The following ATP6V1H variants were observed in gnomAD, a reference collection of about 807,000 sequenced individuals.
The protein encoded by ATP6V1H is ATPase H+ transporting V1 subunit H, also known as V-type proton ATPase subunit H.
ATP6V1H carries 39 observed loss-of-function variants against 71.7 expected under a neutral mutation model. That is an observed-to-expected ratio of 0.54 (90% CI 0.42 to 0.71). The LOEUF (loss-of-function observed/expected upper bound fraction) is 0.71. Among genes scored for constraint, ATP6V1H ranks in the 30% least tolerant of loss-of-function variants. The probability of loss-of-function intolerance (pLI) is 0.00; values close to 1 mark genes in which losing one functional copy is unlikely to be tolerated. For synonymous variants in ATP6V1H, 192 were observed against 199.3 expected, an observed-to-expected ratio of 0.96 and a Z score of 0.31; for missense variants, 509 against 594.9, an observed-to-expected ratio of 0.86 and a Z score of 1.50.
intron 2 of ATP6V1H, among the ~76,000 whole-genome samples, chr8:53,838,066 C>T (rs1811218113): frequency 6.6e-6 from 1 of 152,092 alleles, no homozygotes; most frequent in South Asian, 2.1e-4. Context: ...AGCTCCCTGC[C>T]TGGACCTCCC....
At chr8:53,841,065 C>T (rs995735892) in intron 2 of ATP6V1H, among the ~76,000 whole-genome samples, 3 of 152,290 alleles carry the variant, frequency 2.0e-5, no homozygotes, top group Admixed American at 6.5e-5. Context: ...CTCCCCATTT[C>T]ACATTTTACT....
Position 53,803,056 on chromosome 8 carries a change from G to T in ATP6V1H, c.580-1160C>A, listed in dbSNP as rs548365790. ...AGACTTTAAGAAGTAGAGAAAGGAG[G>T]CTGGGTGCGGTGGCTCACGCCTGTG... is the stretch of plus-strand genomic sequence containing the variant. On this transcript the variant is annotated intron_variant, in intron 7 of 13. Coordinates refer to ENST00000359530, the MANE Select transcript of ATP6V1H (RefSeq NM_015941.4). Among the ~76,000 whole-genome samples, 45 of 152,314 alleles carry T rather than the reference G, an allele frequency of 3.0e-4. 1 individual carries two copies. The East Asian group carries it at 8.5e-3, about 29-fold the overall frequency.
At chr8:53,759,722 G>A (rs1808198311) in intron 11 of ATP6V1H, among the ~76,000 whole-genome samples, 1 of 151,996 alleles carries the variant, frequency 6.6e-6, no homozygotes, top group African/African-American at 2.4e-5. Context: ...CTCAGTTTTT[G>A]CTTTTCTTCT....
intron 3 of ATP6V1H, among the ~76,000 whole-genome samples, chr8:53,830,519 C>T (rs951913972): frequency 1.1e-4 from 16 of 151,264 alleles, no homozygotes; most frequent in African/African-American, 3.9e-4. Flanking sequence ...AATCAAAACA[C>T]TAAAGTGGAA....
chr8:53,727,824 A>G (rs1585720697), intron 13 of ATP6V1H, among the ~76,000 whole-genome samples: 1 of 152,146 alleles, frequency 6.6e-6, no homozygotes. Context: ...GTGCCACCCC[A>G]ATCCTGTTCC....
At chr8:53,803,779 AT>A (rs950903143) in intron 7 of ATP6V1H, among the ~76,000 whole-genome samples, 21 of 151,852 alleles carry the variant, frequency 1.4e-4, no homozygotes, top group East Asian at 3.9e-4. Flanking sequence ...ATGAAAAAAT[AT>A]TTTTTTTTCC....
rs143461041 is a variant in ATP6V1H, at chr8:53,793,887, T to C, written c.870+1760A>G. On this transcript the variant is annotated intron_variant, in intron 9 of 13. Transcript: ENST00000359530. ...CCAGGAGGTGGAGGTTACAGTGAGCTGAGATTGCACCACTGCACTCCAGCT... is the reference window on the plus strand; with the variant it reads ...CCAGGAGGTGGAGGTTACAGTGAGCCGAGATTGCACCACTGCACTCCAGCT... Among the ~76,000 whole-genome samples, 337 of 152,236 alleles carry C rather than the reference T, an allele frequency of 2.2e-3. 2 individuals are homozygous for C. The highest frequency in any genetic ancestry group is 7.8e-3 in the African/African-American group (326 of 41,538).
chr8:53,807,864 C>T (rs1302836693), intron 7 of ATP6V1H, among the ~76,000 whole-genome samples: 3 of 152,222 alleles, frequency 2.0e-5, no homozygotes, highest in African/African-American at 7.2e-5. Context: ...TACTTCCTCA[C>T]TCACACCGGC....
intron 13 of ATP6V1H, among the ~76,000 whole-genome samples, chr8:53,721,253 C>T (rs573913610): frequency 6.6e-6 from 1 of 152,090 alleles, no homozygotes; most frequent in South Asian, 2.1e-4. Context: ...GAACTCAAAG[C>T]AAACTTTGTT....
chr8:53,758,804 G>C (rs547353178), intron 11 of ATP6V1H, among the ~76,000 whole-genome samples: 6 of 152,202 alleles, frequency 3.9e-5, no homozygotes, highest in Non-Finnish European at 7.3e-5. Context: ...TGTTTTACTG[G>C]AACACAGCCA....
At chr8:53,769,470 G>T in intron 11 of ATP6V1H, 148 bp downstream of exon 11, 1 of 718,312 alleles carries the variant, frequency 1.4e-6, no homozygotes. Flanking sequence ...TGGTCAAAAG[G>T]ATATGAAAAG....
chr8:53,769,489 C>A (rs1808580054), intron 11 of ATP6V1H, 129 bp downstream of exon 11: 1 of 925,764 alleles, frequency 1.1e-6, no homozygotes, highest in Non-Finnish European at 1.6e-6. Flanking sequence ...AGGCATTCAA[C>A]CACATTAGTC....
At chr8:53,765,451 AACAACACAC>A (rs757692565) in intron 11 of ATP6V1H, among the ~76,000 whole-genome samples, 34,672 of 92,908 alleles carry the variant, frequency 0.37, 7,885 homozygotes, top group Middle Eastern at 0.53. Context: ...CAACAACAAC[AACAACACAC>A]ACACACACAC....
chr8:53,795,001 G>A (rs1809684047), intron 9 of ATP6V1H, among the ~76,000 whole-genome samples: 1 of 152,108 alleles, frequency 6.6e-6, no homozygotes, highest in African/African-American at 2.4e-5. Context: ...CCATCCCATA[G>A]AAGCCCATCT....
chr8:53,775,820 G>A (rs1808858221), intron 9 of ATP6V1H, among the ~76,000 whole-genome samples: 1 of 152,194 alleles, frequency 6.6e-6, no homozygotes, highest in Non-Finnish European at 1.5e-5. Flanking sequence ...CCAGACTCAG[G>A]AGCCCAGCTG....
intron 11 of ATP6V1H, among the ~76,000 whole-genome samples, chr8:53,769,257 T>C (rs1385925523): frequency 6.6e-6 from 1 of 152,112 alleles, no homozygotes; most frequent in African/African-American, 2.4e-5. Flanking sequence ...GACTGATGAA[T>C]TGACCTACAT....
intron 13 of ATP6V1H, among the ~76,000 whole-genome samples, chr8:53,733,774 C>A (rs955378971): frequency 6.6e-6 from 1 of 152,130 alleles, no homozygotes; most frequent in Non-Finnish European, 1.5e-5. Flanking sequence ...GACCACGAAC[C>A]TTTTGAATAG....
At chr8:53,791,831 A>T (rs1563468902) in intron 9 of ATP6V1H, among the ~76,000 whole-genome samples, 1 of 152,120 alleles carries the variant, frequency 6.6e-6, no homozygotes, top group Non-Finnish European at 1.5e-5. Flanking sequence ...GTCTTCACCA[A>T]ACCATAAGAC....
intron 13 of ATP6V1H, among the ~76,000 whole-genome samples, chr8:53,724,217 A>G (rs1806725140): frequency 6.6e-6 from 1 of 152,202 alleles, no homozygotes; most frequent in Admixed American, 6.5e-5. Context: ...AGGTCCGGAA[A>G]CCCAAGCACA....
Sources: gnomAD v4.1 joint callset for allele counts (sites outside exome capture counted in the v4.1 genomes callset) on GRCh38, gnomAD v4.1.1 for gene constraint, MANE v1.5 for transcripts, NCBI Gene and HGNC (gene_info 2026-07-23, HGNC 2026-07-21) for gene names.